The following DENND1A variants were observed in gnomAD, a reference collection of about 807,000 sequenced individuals.
The protein encoded by DENND1A is DENN domain containing 1A.
A neutral mutation model predicts 113.7 loss-of-function variants in DENND1A; 51 were observed. The ratio of observed to expected loss-of-function variants is 0.45; its 90% CI spans 0.36 to 0.57. DENND1A has a LOEUF of 0.57. DENND1A is among the 20% of genes least tolerant of loss of function. The probability of loss-of-function intolerance (pLI) is 0.00; values close to 1 mark genes in which losing one functional copy is unlikely to be tolerated. For synonymous variants in DENND1A, 565 were observed against 570.8 expected, an observed-to-expected ratio of 0.99 and a Z score of 0.14; for missense variants, 1,258 against 1,395.9, an observed-to-expected ratio of 0.90 and a Z score of 1.57.
Position 123,382,229 on chromosome 9 carries a change from G to T in DENND1A, c.2416C>A (p.Arg806=), listed in dbSNP as rs148982854. 6.2e-7 allele frequency: 1 copy of T among 1,609,280 alleles called. No homozygotes were observed. The highest frequency in any genetic ancestry group is 8.5e-7 in the Non-Finnish European group (1 of 1,179,472). The change falls in exon 24 of 24, where the codon CGA becomes AGA. Residue 806 remains arginine (R), a synonymous_variant. Coordinates refer to ENST00000394215, the MANE Select transcript of DENND1A (RefSeq NM_001352964.2). Reference sequence around the variant, plus strand: ...AGGAGCCCTGGACTCAGGGCAGCTCGCCTGTCCCGATCCGTCTGCAGCCGC... The same window carrying T: ...AGGAGCCCTGGACTCAGGGCAGCTCTCCTGTCCCGATCCGTCTGCAGCCGC... ...SERLQTDRDR[R]AALSPGLLPG...
chr9:123,474,775 T>C (rs2049763709), intron 13 of DENND1A, among the ~76,000 whole-genome samples: 1 of 152,228 alleles, frequency 6.6e-6, no homozygotes, highest in South Asian at 2.1e-4. Context: ...GAGAAGTAAC[T>C]GGGGCAATGT....
At chr9:123,685,184 G>GT (rs2064731068) in intron 5 of DENND1A, among the ~76,000 whole-genome samples, 1 of 152,162 alleles carries the variant, frequency 6.6e-6, no homozygotes, top group Non-Finnish European at 1.5e-5. Context: ...AGTACAATTT[G>GT]TTTCACCCTG....
intron 5 of DENND1A, among the ~76,000 whole-genome samples, chr9:123,680,851 A>C (rs924416065): frequency 6.6e-6 from 1 of 152,324 alleles, no homozygotes; most frequent in Admixed American, 6.5e-5. Context: ...TAGGTATGGA[A>C]GAGAGCAGGG....
chr9:123,617,207 TGA>T (rs1212496918), intron 10 of DENND1A, among the ~76,000 whole-genome samples: 2 of 152,236 alleles, frequency 1.3e-5, no homozygotes, highest in Non-Finnish European at 2.9e-5. Context: ...CTCCGATTTA[TGA>T]GCAACAACAG....
intron 13 of DENND1A, among the ~76,000 whole-genome samples, chr9:123,535,300 G>A (rs888053113): frequency 3.3e-5 from 5 of 152,196 alleles, no homozygotes; most frequent in African/African-American, 1.2e-4. Context: ...GACTCTCACA[G>A]CTGGGCATGG....
chr9:123,595,557 C>T (rs906430512), intron 11 of DENND1A, among the ~76,000 whole-genome samples: 1 of 152,116 alleles, frequency 6.6e-6, no homozygotes, highest in Non-Finnish European at 1.5e-5. Flanking sequence ...CACTCACCCA[C>T]CAGCCCCATT....
intron 13 of DENND1A, among the ~76,000 whole-genome samples, chr9:123,496,584 C>T (rs532317531): frequency 1.3e-5 from 2 of 152,274 alleles, no homozygotes; most frequent in South Asian, 2.1e-4. Flanking sequence ...CCAAAGCTGC[C>T]GTCCACAAAT....
At chr9:123,649,253 A>G (rs1029323919) in intron 9 of DENND1A, among the ~76,000 whole-genome samples, 1 of 152,166 alleles carries the variant, frequency 6.6e-6, no homozygotes, top group Non-Finnish European at 1.5e-5. Flanking sequence ...CCATCCCTCT[A>G]TTGAGGACCA....
At chr9:123,533,137 C>T (rs2055465649) in intron 13 of DENND1A, among the ~76,000 whole-genome samples, 3 of 152,244 alleles carry the variant, frequency 2.0e-5, no homozygotes, top group African/African-American at 7.2e-5. Context: ...AGGAAACTCA[C>T]ATTTTCTACA....
chr9:123,867,663 C>G (rs1485483018), intron 2 of DENND1A, among the ~76,000 whole-genome samples: 5 of 152,142 alleles, frequency 3.3e-5, no homozygotes, highest in Non-Finnish European at 5.9e-5. Context: ...CTCTGAGGAA[C>G]CACCCTGCCC....
At chr9:123,428,277 A>G (rs562679281) in intron 19 of DENND1A, among the ~76,000 whole-genome samples, 108 of 152,386 alleles carry the variant, frequency 7.1e-4, no homozygotes, top group African/African-American at 2.5e-3. Context: ...AATTCATCAC[A>G]TAAACAGAAC....
intron 12 of DENND1A, among the ~76,000 whole-genome samples, chr9:123,574,471 C>T (rs1275037207): frequency 6.6e-6 from 1 of 152,066 alleles, no homozygotes; most frequent in Admixed American, 6.6e-5. Context: ...GTTCATTTTA[C>T]CTAATTTGTC....
intron 13 of DENND1A, among the ~76,000 whole-genome samples, chr9:123,486,819 T>C (rs2050912115): frequency 6.6e-6 from 1 of 152,164 alleles, no homozygotes; most frequent in African/African-American, 2.4e-5. Flanking sequence ...CATTTGCCTC[T>C]TACACTCCTC....
chr9:123,546,110 T>A (rs2056657926), intron 13 of DENND1A, among the ~76,000 whole-genome samples: 1 of 152,104 alleles, frequency 6.6e-6, no homozygotes, highest in African/African-American at 2.4e-5. Flanking sequence ...CAGGAGATGA[T>A]CCTCCCTAAC....
chr9:123,585,958 C>T (rs766330177), intron 11 of DENND1A, among the ~76,000 whole-genome samples: 9 of 152,098 alleles, frequency 5.9e-5, no homozygotes, highest in Non-Finnish European at 1.3e-4. Context: ...CTTTTTAATA[C>T]ACACAATAGC....
rs1588690026 is a variant in DENND1A at position 123,470,645 on chromosome 9, G to C, written c.994-12748C>G. On this transcript the variant is annotated intron_variant, in intron 13 of 23. Coordinates refer to ENST00000394215, the MANE Select transcript of DENND1A (RefSeq NM_001352964.2). ...GACTCATGGATCTCAAGGTAAAAAA[G>C]GACATGGTGATAAAACAGAAGAGGC... 1.3e-5 allele frequency among the ~76,000 whole-genome samples: 2 copies of C among 152,222 alleles called. 1 individual carries two copies. Among genetic ancestry groups the C allele is most frequent in the South Asian group, 4.1e-4 (2 of 4,822 alleles).
chr9:123,554,067 T>C (rs1166899428), intron 13 of DENND1A, among the ~76,000 whole-genome samples: 1 of 152,194 alleles, frequency 6.6e-6, no homozygotes, highest in Admixed American at 6.5e-5. Context: ...GCTATTTTTA[T>C]AACCAGAGAA....
At chr9:123,470,536 AC>A (rs2049324032) in intron 13 of DENND1A, among the ~76,000 whole-genome samples, 1 of 152,188 alleles carries the variant, frequency 6.6e-6, no homozygotes, top group South Asian at 2.1e-4. Flanking sequence ...CGTGTCAGGG[AC>A]CTGATAGGCC....
intron 8 of DENND1A, among the ~76,000 whole-genome samples, chr9:123,657,381 G>A (rs963292113): frequency 1.5e-4 from 21 of 139,510 alleles, no homozygotes; most frequent in African/African-American, 5.2e-4. Flanking sequence ...CTGAGGTTAC[G>A]AAGCAGGTGG....
Sources: gnomAD v4.1 joint callset for allele counts (sites outside exome capture counted in the v4.1 genomes callset) on GRCh38, gnomAD v4.1.1 for gene constraint, MANE v1.5 for transcripts, NCBI Gene and HGNC (gene_info 2026-07-23, HGNC 2026-07-21) for gene names.